The following CCT8 variants were observed in gnomAD, a reference collection of about 807,000 sequenced individuals.
CCT8 encodes the protein T-complex protein 1 subunit theta.
Under a neutral mutation model 65.7 loss-of-function variants are expected in CCT8, and 10 were observed. That is an observed-to-expected ratio of 0.15 (90% CI 0.09 to 0.26). The LOEUF is 0.26. Among genes scored for constraint, CCT8 ranks in the 10% least tolerant of loss-of-function variants. CCT8 has a pLI of 1.00. For synonymous variants in CCT8, 199 were observed against 221.8 expected, an observed-to-expected ratio of 0.90 and a Z score of 0.92; for missense variants, 568 against 669.1, an observed-to-expected ratio of 0.85 and a Z score of 1.67.
intron 6 of CCT8, among the ~76,000 whole-genome samples, chr21:29,066,495 T>C (rs1223404079): frequency 1.3e-5 from 2 of 151,936 alleles, no homozygotes; most frequent in African/African-American, 4.8e-5. Flanking sequence ...GCCGAGGTCA[T>C]GTCATTGCAC....
chr21:29,073,215 G>A, intron 1 of CCT8: 1 of 1,187,010 alleles, frequency 8.4e-7, no homozygotes, highest in Non-Finnish European at 1.1e-6. Flanking sequence ...CCTCCTTTAA[G>A]GGTGACGGGC....
rs2012645 is a variant in CCT8 at position 29,073,640 on chromosome 21, G to A, written c.-50C>T. 0.46 allele frequency: 719,309 copies of A among 1,569,228 alleles called. 170,442 individuals are homozygous for A. Among genetic ancestry groups the A allele is most frequent in the South Asian group, 0.54 (48,842 of 90,258 alleles). ...CGCGACCGCTCGGAAGACCGCGGAGGAAGCGAGGAGCACGCACAGCCTTCT... is the reference window on the plus strand; with the variant it reads ...CGCGACCGCTCGGAAGACCGCGGAGAAAGCGAGGAGCACGCACAGCCTTCT... On this transcript the variant is annotated 5_prime_UTR_variant, in exon 1 of 15. Coordinates refer to ENST00000286788, the MANE Select transcript of CCT8 (RefSeq NM_006585.4).
chr21:29,072,649 T>A (rs934627763), intron 1 of CCT8, among the ~76,000 whole-genome samples: 1 of 152,238 alleles, frequency 6.6e-6, no homozygotes, highest in Non-Finnish European at 1.5e-5. Flanking sequence ...ATGCTCCCCG[T>A]ACCTCGCATA....
Position 29,070,350 on chromosome 21 carries a change from A to C in CCT8, c.61-13T>G. On this transcript the variant is annotated splice_polypyrimidine_tract_variant and intron_variant, in intron 1 of 14. Coordinates refer to ENST00000286788, the MANE Select transcript of CCT8 (RefSeq NM_006585.4). Reference sequence around the variant, plus strand: ...ATCCTGAAAAGTGCTGTTAAAAAAAACAAACAAAAAACCCCGCTAATTAGA... The same window carrying C: ...ATCCTGAAAAGTGCTGTTAAAAAAACCAAACAAAAAACCCCGCTAATTAGA... 6.4e-7 allele frequency: 1 copy of C among 1,569,948 alleles called. No individual in the cohort carries two copies. The highest frequency in any genetic ancestry group is 1.1e-5 in the South Asian group (1 of 87,448).
chr21:29,070,119 G>C (rs1377231804), intron 2 of CCT8, 128 bp downstream of exon 2: 4 of 498,602 alleles, frequency 8.0e-6, no homozygotes, highest in Non-Finnish European at 1.4e-5. Context: ...AATTGGAAAT[G>C]AACTATCATT....
At chr21:29,057,818 CAT>C (rs936015794) in intron 14 of CCT8, among the ~76,000 whole-genome samples, 6 of 149,090 alleles carry the variant, frequency 4.0e-5, no homozygotes, top group African/African-American at 9.9e-5. Context: ...ATGATATATA[CAT>C]ATGATATGTG....
intron 11 of CCT8, among the ~76,000 whole-genome samples, chr21:29,061,924 C>T (rs1417527238): frequency 6.6e-6 from 1 of 152,156 alleles, no homozygotes; most frequent in East Asian, 1.9e-4. Flanking sequence ...CTGTTAACTC[C>T]TCTGTACAAT....
intron 6 of CCT8, among the ~76,000 whole-genome samples, chr21:29,066,370 A>G (rs370626717): frequency 1.3e-5 from 2 of 152,170 alleles, no homozygotes; most frequent in East Asian, 3.9e-4. Flanking sequence ...GAGAAACCCC[A>G]TCTCTACTAA....
At chr21:29,067,889 C>A (rs1304438258) in intron 3 of CCT8, among the ~76,000 whole-genome samples, 184 bp from the exon 4 acceptor site, 1 of 152,138 alleles carries the variant, frequency 6.6e-6, no homozygotes, top group Non-Finnish European at 1.5e-5. Context: ...CCCTTTATGC[C>A]GATCAGCACA....
At chr21:29,059,515 A>G (rs906663249) in intron 14 of CCT8, 1 of 152,244 alleles carries the variant, frequency 6.6e-6, no homozygotes, top group African/African-American at 2.4e-5. Flanking sequence ...CTTATGCTGC[A>G]GTCTACTTAG....
In CCT8 at chr21:29,073,625, C is replaced by A. The variant is rs1390142378; in HGVS notation, c.-35G>T. On this transcript the variant is annotated 5_prime_UTR_variant, in exon 1 of 15. Coordinates refer to ENST00000286788, the MANE Select transcript of CCT8 (RefSeq NM_006585.4). ...GCAGGAAGCAGTTCACGCGACCGCT[C>A]GGAAGACCGCGGAGGAAGCGAGGAG... The A allele has an allele frequency of 6.2e-7, 1 of 1,601,956 alleles. No individual in the cohort carries two copies. The highest frequency in any genetic ancestry group is 8.5e-7 in the Non-Finnish European group (1 of 1,169,734).
intron 3 of CCT8, among the ~76,000 whole-genome samples, chr21:29,068,787 T>C (rs1191384339): frequency 6.6e-6 from 1 of 152,226 alleles, no homozygotes; most frequent in East Asian, 1.9e-4. Flanking sequence ...TTTAAGAGGT[T>C]AGAAAAATGT....
intron 7 of CCT8, 99 bp downstream of exon 7, chr21:29,064,869 G>A (rs2085604207): frequency 1.0e-6 from 1 of 986,688 alleles, no homozygotes; most frequent in Admixed American, 2.2e-5. Flanking sequence ...ATCCTGCAAT[G>A]TTCAGTTTTT....
chr21:29,062,034 T>G (rs1459249558), intron 11 of CCT8, 94 bp downstream of exon 11: 17 of 811,998 alleles, frequency 2.1e-5, no homozygotes, highest in Non-Finnish European at 2.1e-6. Flanking sequence ...CATTCTGAAG[T>G]TCTCATGATG....
intron 3 of CCT8, among the ~76,000 whole-genome samples, chr21:29,068,458 T>C (rs2085647369): frequency 6.6e-6 from 1 of 151,984 alleles, no homozygotes; most frequent in East Asian, 1.9e-4. Context: ...ATATATAATA[T>C]GTATTTTTTT....
intron 2 of CCT8, 54 bp downstream of exon 2, chr21:29,070,193 G>T: frequency 9.2e-7 from 1 of 1,083,798 alleles, no homozygotes; most frequent in Non-Finnish European, 1.4e-6. Context: ...GAAAGAAGAC[G>T]TAGTACACAA....
chr21:29,069,593 A>T, intron 2 of CCT8, 91 bp from the exon 3 acceptor site: 3 of 681,154 alleles, frequency 4.4e-6, no homozygotes, highest in Non-Finnish European at 7.3e-6. Context: ...AAGAAATTAT[A>T]AATTTGTATA....
intron 14 of CCT8, 54 bp downstream of exon 14, chr21:29,060,487 A>G: frequency 1.3e-6 from 2 of 1,563,448 alleles, no homozygotes; most frequent in Non-Finnish European, 1.8e-6. Context: ...AAAATATACT[A>G]TTAAACAGTA....
rs1012589492 is a variant in CCT8 at position 29,071,876 on chromosome 21, T to C, written c.61-1539A>G. 8.6e-6 allele frequency: 6 copies of C among 694,698 alleles called. No individual in the cohort carries two copies. The Admixed American group carries it at 1.0e-4, about 12-fold the overall frequency. The allele number at this position is 694,698 out of a possible 1,614,324, so 43.0% of individuals were successfully genotyped here. On this transcript the variant is annotated intron_variant, in intron 1 of 14. Coordinates refer to ENST00000286788, the MANE Select transcript of CCT8 (RefSeq NM_006585.4). ...CAATGGTTTCCCAACCAGCTTAGGATAAAATGCAAATCCCTTTTCAAGGAA... is the reference window on the plus strand; with the variant it reads ...CAATGGTTTCCCAACCAGCTTAGGACAAAATGCAAATCCCTTTTCAAGGAA...
Sources: allele counts gnomAD v4.1 joint callset (sites outside exome capture counted in the v4.1 genomes callset), GRCh38; gene constraint gnomAD v4.1.1; transcripts MANE v1.5; gene names NCBI Gene and HGNC (gene_info 2026-07-23, HGNC 2026-07-21).